The following KATNBL1 variants were observed in gnomAD, a reference collection of about 807,000 sequenced individuals.
The protein encoded by KATNBL1 is KATNB1-like protein 1.
A neutral mutation model predicts 44.7 loss-of-function variants in KATNBL1; 28 were observed. The ratio of observed to expected loss-of-function variants is 0.63; its 90% CI spans 0.46 to 0.86. KATNBL1 has a LOEUF of 0.86. KATNBL1 is among the 40% of genes least tolerant of loss of function. KATNBL1 has a pLI of 0.00. For missense variants in KATNBL1, 272 were observed against 350.7 expected (o/e 0.78, Z 1.79); for synonymous variants, 78 against 114.9 (o/e 0.68, Z 2.06).
In KATNBL1 at chr15:34,163,599, T is replaced by C. The variant is rs1888874773; in HGVS notation, c.78A>G (p.Arg26=). Residue 26 remains arginine (R), a synonymous_variant, in exon 2 of 10, where the codon AGA becomes AGG. Coordinates refer to ENST00000256544, the MANE Select transcript of KATNBL1 (RefSeq NM_024713.3). ...TATTAGTGAAATTAGAGATCTTTTT[T>C]CTAGGAAGATCAATGAAATGATCCT... is the stretch of plus-strand genomic sequence containing the variant. ...KIEDHFIDLP[R]KKISNFTNKN... 1 of 1,598,010 alleles carries C rather than the reference T, an allele frequency of 6.3e-7. No homozygotes were observed. The highest frequency in any genetic ancestry group is 1.2e-5 in the South Asian group (1 of 86,918).
At chr15:34,191,871 T>C (rs1024823725) in intron 1 of KATNBL1, among the ~76,000 whole-genome samples, 3 of 145,772 alleles carry the variant, frequency 2.1e-5, no homozygotes, top group East Asian at 2.0e-4. Context: ...GGAGTGAACC[T>C]GGGAGGCAGA....
chr15:34,145,235 C>G, intron 9 of KATNBL1, 163 bp downstream of exon 9: 1 of 1,399,958 alleles, frequency 7.1e-7, no homozygotes, highest in Non-Finnish European at 9.5e-7. Flanking sequence ...GCCAAGGTCA[C>G]AGTTACACGC....
rs766763756 is a variant in KATNBL1, at chr15:34,143,610, CA to C, written c.883-1240del. On this transcript the variant is annotated intron_variant, in intron 9 of 9. Transcript: ENST00000256544. ...ATGCTCTAAAAACCTAAAACAACAACAAAAACTTTCTAGGAGATTGATATGT... is the reference window on the plus strand; with the variant it reads ...ATGCTCTAAAAACCTAAAACAACAACAAAACTTTCTAGGAGATTGATATGT... Among the ~76,000 whole-genome samples the C allele has an allele frequency of 9.1e-4, 138 of 151,268 alleles. 1 individual carries two copies. The highest frequency in any genetic ancestry group is 1.3e-3 in the Non-Finnish European group (90 of 67,888).
At chr15:34,175,166 AATAT>A (rs1889291283) in intron 1 of KATNBL1, among the ~76,000 whole-genome samples, 1 of 150,300 alleles carries the variant, frequency 6.7e-6, no homozygotes, top group Admixed American at 6.6e-5. Flanking sequence ...ACGCATATAT[AATAT>A]ATATGTACAT....
At chr15:34,144,337 T>C (rs981086878) in intron 9 of KATNBL1, among the ~76,000 whole-genome samples, 2 of 151,916 alleles carry the variant, frequency 1.3e-5, no homozygotes, top group Non-Finnish European at 2.9e-5. Flanking sequence ...TTGTATTTTT[T>C]TCCCCCTGAA....
intron 1 of KATNBL1, among the ~76,000 whole-genome samples, chr15:34,203,479 C>G (rs1890219000): frequency 6.6e-6 from 1 of 152,168 alleles, no homozygotes; most frequent in Non-Finnish European, 1.5e-5. Flanking sequence ...AAATATTCCT[C>G]CCACACACTC....
At chr15:34,198,836 T>C (rs569965681) in intron 1 of KATNBL1, among the ~76,000 whole-genome samples, 1 of 152,356 alleles carries the variant, frequency 6.6e-6, no homozygotes, top group Non-Finnish European at 1.5e-5. Context: ...AAATGGAATG[T>C]TAAACTGTAC....
At chr15:34,184,185 A>G (rs1201079589) in intron 1 of KATNBL1, among the ~76,000 whole-genome samples, 4 of 152,144 alleles carry the variant, frequency 2.6e-5, no homozygotes, top group South Asian at 2.1e-4. Context: ...GGGCGCCTGT[A>G]GTCCCAGCTA....
chr15:34,173,119 A>T (rs1387338794), intron 1 of KATNBL1, among the ~76,000 whole-genome samples: 1 of 152,070 alleles, frequency 6.6e-6, no homozygotes, highest in Non-Finnish European at 1.5e-5. Context: ...GAAGAAAAAA[A>T]AAACCAGAAG....
At chr15:34,161,542 C>T (rs566593376) in intron 2 of KATNBL1, among the ~76,000 whole-genome samples, 19 of 152,356 alleles carry the variant, frequency 1.2e-4, no homozygotes, top group Middle Eastern at 3.4e-3. Flanking sequence ...GTGCCAATCA[C>T]GCCTGGAGTG....
At chr15:34,193,407 G>A (rs1357621839) in intron 1 of KATNBL1, among the ~76,000 whole-genome samples, 2 of 151,484 alleles carry the variant, frequency 1.3e-5, no homozygotes, top group Admixed American at 6.6e-5. Context: ...GGTGGCATAC[G>A]TCTGTAATCT....
At chr15:34,176,311 G>A (rs1175517454) in intron 1 of KATNBL1, among the ~76,000 whole-genome samples, 4 of 151,998 alleles carry the variant, frequency 2.6e-5, no homozygotes, top group African/African-American at 9.7e-5. Flanking sequence ...CCGGGAGGCG[G>A]AGTTTGCAGT....
At chr15:34,183,454 TA>T (rs1336180983) in intron 1 of KATNBL1, among the ~76,000 whole-genome samples, 3 of 152,190 alleles carry the variant, frequency 2.0e-5, no homozygotes, top group Non-Finnish European at 4.4e-5. Flanking sequence ...CTGGTGCAGC[TA>T]AAAAGATTAG....
At chr15:34,163,755 C>A in intron 1 of KATNBL1, 65 bp from the exon 2 acceptor site, 1 of 853,742 alleles carries the variant, frequency 1.2e-6, no homozygotes, top group Admixed American at 2.7e-5. Context: ...TTAACACACA[C>A]ACAAACATAC....
intron 2 of KATNBL1, among the ~76,000 whole-genome samples, chr15:34,157,448 T>A (rs561416866): frequency 6.6e-5 from 10 of 152,304 alleles, no homozygotes; most frequent in Admixed American, 2.6e-4. Context: ...ATGTGGTCCC[T>A]AGGCTGATGT....
chr15:34,166,062 T>C (rs957440980), intron 1 of KATNBL1: 1 of 152,516 alleles, frequency 6.6e-6, no homozygotes, highest in Non-Finnish European at 1.5e-5. Flanking sequence ...CTGAGGTACC[T>C]GGTTCATCTC....
chr15:34,148,187 C>A (rs1022624116), intron 5 of KATNBL1, among the ~76,000 whole-genome samples: 33 of 152,062 alleles, frequency 2.2e-4, no homozygotes, highest in African/African-American at 7.7e-4. Context: ...TTTCCCATAT[C>A]GTTATCTCTT....
chr15:34,188,711 C>T (rs9972505), intron 1 of KATNBL1, among the ~76,000 whole-genome samples: 50,370 of 152,102 alleles, frequency 0.33, 8,861 homozygotes, highest in African/African-American at 0.47. Flanking sequence ...GTTAGTAATT[C>T]TTATGAACGC....
At chr15:34,182,179 TGA>T (rs150021339) in intron 1 of KATNBL1, among the ~76,000 whole-genome samples, 1,725 of 152,194 alleles carry the variant, frequency 0.011, 30 homozygotes, top group African/African-American at 0.038. Context: ...CCAATTAATA[TGA>T]GAGATTAAGG....
Sources: gnomAD v4.1 joint callset for allele counts (sites outside exome capture counted in the v4.1 genomes callset) on GRCh38, gnomAD v4.1.1 for gene constraint, MANE v1.5 for transcripts, NCBI Gene and HGNC (gene_info 2026-07-23, HGNC 2026-07-21) for gene names.